GAREM1: variants seen among roughly 807,000 people sequenced by gnomAD.
The protein encoded by GAREM1 is GRB2 associated regulator of MAPK1 subtype 1, also known as GRB2-associated and regulator of MAPK protein 1.
Under a neutral mutation model 71.3 loss-of-function variants are expected in GAREM1, and 26 were observed. That is an observed-to-expected ratio of 0.36 (90% CI 0.27 to 0.51). The LOEUF (loss-of-function observed/expected upper bound fraction) is 0.51, where lower values mean the gene tolerates loss of function less well. Ranked by LOEUF, GAREM1 falls within the 20% of genes least tolerant of loss-of-function variation. The pLI is 0.95. For synonymous variants in GAREM1, 440 were observed against 433.2 expected, an observed-to-expected ratio of 1.02 and a Z score of -0.20; for missense variants, 1,026 against 1,103.1, an observed-to-expected ratio of 0.93 and a Z score of 0.99.
intron 2 of GAREM1, among the ~76,000 whole-genome samples, chr18:32,364,037 T>TTG (rs2047904549): frequency 1.0e-5 from 1 of 96,784 alleles, no homozygotes; most frequent in African/African-American, 4.0e-5. Context: ...TGTTTTTTTT[T>TTG]TTTTTTTTTT....
chr18:32,375,553 C>T lies in GAREM1; in HGVS notation c.262+17342G>A, dbSNP rs191501620. On this transcript the variant is annotated intron_variant, in intron 2 of 5. Coordinates refer to ENST00000269209, the MANE Select transcript of GAREM1 (RefSeq NM_001242409.2). ...CTTGAGAAACCAATCCATTCAAAAA[C>T]TGCCAACTGGAGTGACCTTTCCTTG... Among the ~76,000 whole-genome samples, 42 of 152,294 alleles carry T rather than the reference C, an allele frequency of 2.8e-4. 1 individual carries two copies. In the East Asian group the frequency reaches 7.5e-3, roughly 27 times the overall value.
intron 4 of GAREM1, among the ~76,000 whole-genome samples, chr18:32,278,471 A>G (rs965872418): frequency 2.8e-4 from 42 of 152,224 alleles, no homozygotes; most frequent in African/African-American, 9.4e-4. Flanking sequence ...CATACACTGT[A>G]GGGGAGCTTG....
At position 32,339,957 on chromosome 18, in the gene GAREM1, C is replaced by T. The variant is rs79260349; in HGVS notation, c.263-29634G>A. Among the ~76,000 whole-genome samples, 594 of 152,264 alleles carry T rather than the reference C, an allele frequency of 3.9e-3. 35 individuals carry two copies. The East Asian group carries it at 0.1, about 27-fold the overall frequency. The stretch of plus-strand genomic sequence containing the variant: ...TCCACCACACTGGTGCTGGAGTGAC[C>T]ACTCTAAAATGCTATCTAATCCTAT... On this transcript the variant is annotated intron_variant, in intron 2 of 5. Transcript: ENST00000269209.
chr18:32,345,544 A>C (rs923471373), intron 2 of GAREM1, among the ~76,000 whole-genome samples: 1 of 152,222 alleles, frequency 6.6e-6, no homozygotes, highest in Admixed American at 6.5e-5. Flanking sequence ...ACTTTAAAGA[A>C]GTCCTCTCTC....
intron 1 of GAREM1, among the ~76,000 whole-genome samples, chr18:32,445,750 C>T (rs2048780307): frequency 6.6e-6 from 1 of 152,006 alleles, no homozygotes; most frequent in African/African-American, 2.4e-5. Flanking sequence ...TAAATTATTT[C>T]CACCTAAAAA....
chr18:32,303,551 C>T (rs1010813119), intron 3 of GAREM1, among the ~76,000 whole-genome samples: 9 of 152,054 alleles, frequency 5.9e-5, no homozygotes, highest in Non-Finnish European at 8.8e-5. Context: ...AGGGGTATTT[C>T]GAAACCACAA....
intron 4 of GAREM1, among the ~76,000 whole-genome samples, chr18:32,283,621 C>G (rs1047675912): frequency 3.3e-5 from 5 of 151,876 alleles, no homozygotes; most frequent in African/African-American, 1.2e-4. Flanking sequence ...CTAGAGCATA[C>G]AATTCTAGAG....
intron 5 of GAREM1, among the ~76,000 whole-genome samples, chr18:32,269,936 C>T (rs558434824): frequency 6.6e-6 from 1 of 152,012 alleles, no homozygotes; most frequent in Admixed American, 6.6e-5. Context: ...GAACTGATGG[C>T]AGCCCCCGGG....
rs2041435736 is a variant in GAREM1 at position 32,270,122 on chromosome 18, C to T, written c.1733+95G>A. ...AAAAGCCATTTCCTCTCCCACCACC[C>T]TGCCTGTTAGGGCTACCGTGAAAAT... On this transcript the variant is annotated intron_variant, in intron 5 of 5. Coordinates refer to ENST00000269209, the MANE Select transcript of GAREM1 (RefSeq NM_001242409.2). 3 of 1,279,452 alleles carry T rather than the reference C, an allele frequency of 2.3e-6. No individual in the cohort carries two copies. The Admixed American group carries it at 6.7e-5, about 28-fold the overall frequency. 79.3% of individuals were successfully genotyped at this position (1,279,452 alleles called of 1,614,324 possible).
chr18:32,395,094 A>G (rs1432549886), intron 1 of GAREM1, among the ~76,000 whole-genome samples: 3 of 152,186 alleles, frequency 2.0e-5, no homozygotes, highest in Non-Finnish European at 4.4e-5. Flanking sequence ...TTAGGAAATG[A>G]CCTTCAGAGG....
At chr18:32,284,890 C>G (rs186250806) in intron 4 of GAREM1, among the ~76,000 whole-genome samples, 2,869 of 151,990 alleles carry the variant, frequency 0.019, 46 homozygotes, top group Non-Finnish European at 0.025. Flanking sequence ...GCTGGGACTA[C>G]AGGCGCCCGC....
At chr18:32,430,092 G>A (rs983203558) in intron 1 of GAREM1, among the ~76,000 whole-genome samples, 3 of 152,174 alleles carry the variant, frequency 2.0e-5, no homozygotes, top group African/African-American at 7.2e-5. Flanking sequence ...GGATCAAAGC[G>A]AGGGGTGGTA....
chr18:32,412,352 G>A (rs1416479615), intron 1 of GAREM1: 1 of 1,593,028 alleles, frequency 6.3e-7, no homozygotes, highest in Non-Finnish European at 8.5e-7. Flanking sequence ...CTCCCTTCAT[G>A]GGTCCAAAAT....
At chr18:32,289,712 G>A (rs532973061) in intron 3 of GAREM1, among the ~76,000 whole-genome samples, 43 of 152,274 alleles carry the variant, frequency 2.8e-4, no homozygotes, top group African/African-American at 8.4e-4. Flanking sequence ...TTTGGAGACA[G>A]CTTTGATTGC....
At chr18:32,336,811 G>C (rs1055313027) in intron 2 of GAREM1, among the ~76,000 whole-genome samples, 9 of 152,160 alleles carry the variant, frequency 5.9e-5, no homozygotes, top group African/African-American at 2.2e-4. Flanking sequence ...AGACCAGATG[G>C]GCTCCACTTA....
At chr18:32,322,829 T>C (rs139413428) in intron 2 of GAREM1, among the ~76,000 whole-genome samples, 1 of 152,340 alleles carries the variant, frequency 6.6e-6, no homozygotes, top group Non-Finnish European at 1.5e-5. Flanking sequence ...TCACCGATTC[T>C]CTACTTATTT....
intron 2 of GAREM1, among the ~76,000 whole-genome samples, chr18:32,328,230 A>G (rs1011905622): frequency 6.6e-6 from 1 of 152,148 alleles, no homozygotes; most frequent in Admixed American, 6.5e-5. Flanking sequence ...AATTTTTTCC[A>G]ATGTCTATTC....
intron 2 of GAREM1, among the ~76,000 whole-genome samples, chr18:32,318,142 T>A (rs1000496634): frequency 2.6e-5 from 4 of 152,166 alleles, no homozygotes; most frequent in Non-Finnish European, 5.9e-5. Flanking sequence ...AGGAACAAAT[T>A]CAACACCAAT....
intron 1 of GAREM1, among the ~76,000 whole-genome samples, chr18:32,456,443 G>C (rs1456587004): frequency 6.6e-6 from 1 of 152,096 alleles, no homozygotes; most frequent in Non-Finnish European, 1.5e-5. Flanking sequence ...AACTATGGTT[G>C]ACACAGATTT....
Sources: gnomAD v4.1 joint callset for allele counts (sites outside exome capture counted in the v4.1 genomes callset) on GRCh38, gnomAD v4.1.1 for gene constraint, MANE v1.5 for transcripts, NCBI Gene and HGNC (gene_info 2026-07-23, HGNC 2026-07-21) for gene names.